The following SMARCAL1 variants were observed in gnomAD, a reference collection of about 807,000 sequenced individuals.
SMARCAL1 encodes the protein ATP-driven annealing helicase.
Under a neutral mutation model 94.5 loss-of-function variants are expected in SMARCAL1, and 58 were observed. The observed-to-expected ratio is 0.61, with a 90% CI of 0.50 to 0.76. SMARCAL1 has a LOEUF of 0.76. SMARCAL1 is among the 30% of genes least tolerant of loss of function. SMARCAL1 has a pLI of 0.00. For synonymous variants in SMARCAL1, 422 were observed against 455.1 expected (o/e 0.93, Z 0.93); for missense variants, 1,051 against 1,177.9 (o/e 0.89, Z 1.58).
At chr2:216,434,724 A>G (rs1030195408) in intron 8 of SMARCAL1, among the ~76,000 whole-genome samples, 1 of 151,918 alleles carries the variant, frequency 6.6e-6, no homozygotes, top group Non-Finnish European at 1.5e-5. Flanking sequence ...GTGCACCTGT[A>G]GTCCCAGCAA....
At chr2:216,477,606 C>T (rs898893987) in intron 16 of SMARCAL1, among the ~76,000 whole-genome samples, 1 of 152,178 alleles carries the variant, frequency 6.6e-6, no homozygotes, top group Non-Finnish European at 1.5e-5. Context: ...CTGGTGGGCA[C>T]ATCTTACATT....
In SMARCAL1 at chr2:216,482,807, C is replaced by T. The variant is rs1276262986; in HGVS notation, c.2695C>T (p.Leu899Phe). The T allele has an allele frequency of 6.2e-7, 1 of 1,614,194 alleles. No individual in the cohort carries two copies. The highest frequency in any genetic ancestry group is 8.5e-7 in the Non-Finnish European group (1 of 1,180,028). Residue 899 changes from leucine to phenylalanine, a missense_variant, in exon 18 of 18, where the codon CTC (leucine) becomes TTC (phenylalanine). This residue lies in a region of SMARCAL1 where 642 missense variants were observed against 754.7 expected (regional missense o/e 0.85). Coordinates refer to ENST00000357276, the MANE Select transcript of SMARCAL1 (RefSeq NM_014140.4). This position sits in a 1 kb window ranked among gnomAD's most constrained non-coding sequence, Gnocchi z 4.3. The part of the protein sequence containing the change: ...SFEKEGSDME[L>F]LEAAESFDPG... ...TGAGAAAGAAGGAAGTGATATGGAG[C>T]TCCTGGAAGCAGCAGAGTCCTTTGA...
chr2:216,439,056 T>C (rs1694141544), intron 10 of SMARCAL1, among the ~76,000 whole-genome samples: 1 of 152,210 alleles, frequency 6.6e-6, no homozygotes, highest in Non-Finnish European at 1.5e-5. Context: ...TACTGTTTTC[T>C]GTGGCTACCC....
At chr2:216,442,568 T>C (rs547872760) in intron 10 of SMARCAL1, among the ~76,000 whole-genome samples, 1 of 152,336 alleles carries the variant, frequency 6.6e-6, no homozygotes, top group Non-Finnish European at 1.5e-5. Flanking sequence ...TAAAATAACC[T>C]GCACCTATGG....
intron 17 of SMARCAL1, among the ~76,000 whole-genome samples, chr2:216,481,971 T>C (rs605702): frequency 0.044 from 6,743 of 152,338 alleles, 409 homozygotes; most frequent in East Asian, 0.16. Context: ...TTGTATCCAC[T>C]GGGCATGGTT....
Position 216,446,847 on chromosome 2 carries a change from A to G in SMARCAL1, c.1711-171A>G, listed in dbSNP as rs1694325883. Reference sequence around the variant, plus strand: ...GCAGAGGGCAGGCAGGGAGGATTTAAAGAAAAGGAGATGCCATCTAACTGC... The same window carrying G: ...GCAGAGGGCAGGCAGGGAGGATTTAGAGAAAAGGAGATGCCATCTAACTGC... On this transcript the variant is annotated intron_variant, in intron 10 of 17. Transcript: ENST00000357276. The G allele has an allele frequency of 8.3e-6, 6 of 718,810 alleles. No individual in the cohort carries two copies. The South Asian group carries it at 9.1e-5, about 11-fold the overall frequency. The allele number at this position is 718,810 out of a possible 1,614,324, so 44.5% of individuals were successfully genotyped here.
chr2:216,416,337 G>T, intron 4 of SMARCAL1, 30 bp downstream of exon 4: 1 of 1,569,288 alleles, frequency 6.4e-7, no homozygotes, highest in Non-Finnish European at 8.8e-7. Context: ...TCTCATGGAG[G>T]GTGGCACTGG....
chr2:216,444,384 C>T (rs1395219137), intron 10 of SMARCAL1, among the ~76,000 whole-genome samples: 1 of 151,458 alleles, frequency 6.6e-6, no homozygotes, highest in South Asian at 2.1e-4. Context: ...AAGTTACTGG[C>T]TCAATTGGAA....
intron 17 of SMARCAL1, among the ~76,000 whole-genome samples, chr2:216,481,020 AGGGAACTAATGGG>A (rs1695183919): frequency 6.6e-6 from 1 of 152,036 alleles, no homozygotes; most frequent in Non-Finnish European, 1.5e-5. Context: ...AGGAGAGAGG[AGGGAACTAATGGG>A]GGGAACAAAC....
intron 9 of SMARCAL1, among the ~76,000 whole-genome samples, chr2:216,437,863 A>T (rs1694112110): frequency 6.6e-6 from 1 of 152,258 alleles, no homozygotes; most frequent in Non-Finnish European, 1.5e-5. Flanking sequence ...TAAACATAGC[A>T]GTTCCTTGAG....
intron 4 of SMARCAL1, 135 bp downstream of exon 4, chr2:216,416,442 C>T: frequency 2.6e-6 from 2 of 758,842 alleles, no homozygotes; most frequent in East Asian, 5.2e-5. Flanking sequence ...CCCCAACACT[C>T]CTTCCCACTC....
chr2:216,458,811 T>C (rs1694631759), intron 12 of SMARCAL1, among the ~76,000 whole-genome samples: 1 of 152,164 alleles, frequency 6.6e-6, no homozygotes, highest in African/African-American at 2.4e-5. Context: ...CTATTCAGCA[T>C]AGTGTTGGAA....
Position 216,414,988 on chromosome 2 carries a change from A to T in SMARCAL1, c.284A>T (p.Lys95Met). 1 of 1,614,210 alleles carries T rather than the reference A, an allele frequency of 6.2e-7. No homozygotes were observed. Among genetic ancestry groups the T allele is most frequent in the South Asian group, 1.1e-5 (1 of 91,084 alleles). The change falls in exon 3 of 18, where the codon AAG (lysine) becomes ATG (methionine). Residue 95 changes from lysine (K) to methionine (M), a missense_variant. Transcript: ENST00000357276. Reference sequence around the variant, plus strand: ...CATGATTCCCACAGTTTTCAGGCAAAGGGAATATGGAAAAAGCCAGAAGAA... The same window carrying T: ...CATGATTCCCACAGTTTTCAGGCAATGGGAATATGGAAAAAGCCAGAAGAA... ...RPHDSHSFQA[K>M]GIWKKPEEMP...
chr2:216,417,998 G>C (rs1174600256), intron 4 of SMARCAL1, among the ~76,000 whole-genome samples: 1 of 152,026 alleles, frequency 6.6e-6, no homozygotes, highest in Non-Finnish European at 1.5e-5. Context: ...TTGGCTCCCT[G>C]CAACCTCTGG....
At chr2:216,434,160 C>T (rs531293967) in intron 8 of SMARCAL1, among the ~76,000 whole-genome samples, 26 of 151,990 alleles carry the variant, frequency 1.7e-4, no homozygotes, top group Admixed American at 5.2e-4. Flanking sequence ...ATTTTGTGTG[C>T]GTTAGGTTCC....
chr2:216,420,028 C>CAAAA (rs60555710), intron 4 of SMARCAL1, among the ~76,000 whole-genome samples: 4 of 40,180 alleles, frequency 1.0e-4, no homozygotes, highest in Non-Finnish European at 1.6e-4. Context: ...GACCCCGTCT[C>CAAAA]AAAAAAAAAA....
chr2:216,415,555 TTA>T, intron 3 of SMARCAL1, 40 bp downstream of exon 3: 5 of 1,442,612 alleles, frequency 3.5e-6, no homozygotes, highest in Non-Finnish European at 3.8e-6. Context: ...TTTTTTTTTC[TTA>T]TTTTTGGAGT....
intron 14 of SMARCAL1, among the ~76,000 whole-genome samples, chr2:216,472,683 C>A (rs1694993590): frequency 6.8e-6 from 1 of 147,606 alleles, no homozygotes. Context: ...AGGGGGCAAC[C>A]TGTATAAATA....
intron 8 of SMARCAL1, among the ~76,000 whole-genome samples, chr2:216,434,832 G>A (rs1219523818): frequency 6.7e-6 from 1 of 149,376 alleles, no homozygotes; most frequent in Non-Finnish European, 1.5e-5. Flanking sequence ...GCAACAAAGT[G>A]AGACCAACAC....
Sources: gnomAD v4.1 joint callset for allele counts (sites outside exome capture counted in the v4.1 genomes callset) on GRCh38, gnomAD v4.1.1 for gene constraint, gnomAD v4.1.1 regional missense constraint, Gnocchi (gnomAD v3.1) non-coding constraint, MANE v1.5 for transcripts, NCBI Gene and HGNC (gene_info 2026-07-23, HGNC 2026-07-21) for gene names.